Variants in RPS19 observed in about 807,000 individuals in gnomAD.
RPS19 encodes small ribosomal subunit protein eS19.
In RPS19, 1 loss-of-function variant was observed where a neutral mutation model predicts 20.3. That is an observed-to-expected ratio of 0.05 (90% CI 0.02 to 0.23). The LOEUF (loss-of-function observed/expected upper bound fraction) is 0.23, where lower values mean the gene tolerates loss of function less well. Among genes scored for constraint, RPS19 ranks in the 10% least tolerant of loss-of-function variants. The pLI, the probability that RPS19 is intolerant of heterozygous loss-of-function variation, is 1.00. For missense variants in RPS19, 111 were observed against 192.7 expected (o/e 0.58, Z 2.51); for synonymous variants, 87 against 74.8 (o/e 1.16, Z -0.84).
chr19:41,866,834 G>T (rs1490661055), intron 3 of RPS19, among the ~76,000 whole-genome samples: 1 of 151,678 alleles, frequency 6.6e-6, no homozygotes, highest in African/African-American at 2.4e-5. Context: ...CGCTAACACG[G>T]TGAAACCCCG....
rs553253866 is a variant in RPS19 at position 41,869,506 on chromosome 19, A to C, written c.357-193A>C. Reference sequence around the variant, plus strand: ...TTTTGATCTAAATGCTTGCACAAACAACACCCCGTCAGCTCCCAGGGGGGC... The same window carrying C: ...TTTTGATCTAAATGCTTGCACAAACCACACCCCGTCAGCTCCCAGGGGGGC... On this transcript the variant is annotated intron_variant, in intron 4 of 5. Coordinates refer to ENST00000598742, the MANE Select transcript of RPS19 (RefSeq NM_001022.4). 3.7e-4 allele frequency: 230 copies of C among 626,614 alleles called. 2 individuals are homozygous for C. In the South Asian group the frequency reaches 4.3e-3, roughly 12 times the overall value. The allele number at this position is 626,614 out of a possible 1,614,324, so 38.8% of individuals were successfully genotyped here. A position where few individuals can be genotyped will look rare whatever the true frequency, so the allele number is the denominator to read the frequency against.
chr19:41,864,342 A>T (rs781980006), intron 3 of RPS19: 1 of 152,264 alleles, frequency 6.6e-6, no homozygotes, highest in South Asian at 2.1e-4. Flanking sequence ...AGTAGAAAGA[A>T]TGAGATCTGG....
intron 3 of RPS19, among the ~76,000 whole-genome samples, chr19:41,866,122 G>C (rs1271216356): frequency 6.6e-6 from 1 of 151,614 alleles, no homozygotes; most frequent in Non-Finnish European, 1.5e-5. Context: ...GTGTGGTGGC[G>C]TGTGCCTGTA....
intron 4 of RPS19, 47 bp from the exon 5 acceptor site, chr19:41,869,652 C>T (rs375383178): frequency 8.7e-6 from 14 of 1,601,868 alleles, no homozygotes; most frequent in African/African-American, 2.7e-5. Flanking sequence ...GGGCTGAGAA[C>T]AGGACCTGTG....
chr19:41,861,393 A>G (rs976869966), intron 3 of RPS19, 181 bp downstream of exon 3: 34 of 628,412 alleles, frequency 5.4e-5, no homozygotes, highest in Admixed American at 1.2e-4. Context: ...TTTTTATGAC[A>G]TTCTAAGAGC....
intron 5 of RPS19, 111 bp from the exon 6 acceptor site, chr19:41,871,240 T>C: frequency 1.1e-6 from 1 of 899,464 alleles, no homozygotes; most frequent in Non-Finnish European, 1.9e-6. Context: ...TAGATGCATT[T>C]GAAACCACAA....
rs1309407967 is a variant in RPS19 at position 41,862,965 on chromosome 19, G to A, written c.172+1753G>A. Reference sequence around the variant, plus strand: ...CTGTGTATCTACATGCACAAGGGCAGAGTTGTAGTTGTGGCAGAAGCTGTA... The same window carrying A: ...CTGTGTATCTACATGCACAAGGGCAAAGTTGTAGTTGTGGCAGAAGCTGTA... On this transcript the variant is annotated intron_variant, in intron 3 of 5. Coordinates refer to ENST00000598742, the MANE Select transcript of RPS19 (RefSeq NM_001022.4). Among the ~76,000 whole-genome samples, 4 of 152,326 alleles carry A rather than the reference G, an allele frequency of 2.6e-5. No homozygotes were observed. The East Asian group carries it at 5.8e-4, about 22-fold the overall frequency.
chr19:41,868,559 C>G (rs574494489), intron 3 of RPS19, among the ~76,000 whole-genome samples: 16 of 152,306 alleles, frequency 1.1e-4, no homozygotes, highest in African/African-American at 3.1e-4. Flanking sequence ...CCAAGCCAGC[C>G]TTCCCTGTGT....
At chr19:41,860,658 G>T in intron 1 of RPS19, 117 bp from the exon 2 acceptor site, 1 of 849,762 alleles carries the variant, frequency 1.2e-6, no homozygotes, top group East Asian at 2.4e-5. Flanking sequence ...GCCGTGGGAA[G>T]TAACGGGGGG....
At chr19:41,863,771 T>C (rs1438387750) in intron 3 of RPS19, 1 of 151,444 alleles carries the variant, frequency 6.6e-6, no homozygotes, top group Non-Finnish European at 1.5e-5. Context: ...AGACTTGCTC[T>C]CACTGGACGT....
chr19:41,866,160 G>C (rs2074087767), intron 3 of RPS19, among the ~76,000 whole-genome samples: 1 of 152,072 alleles, frequency 6.6e-6, no homozygotes, highest in African/African-American at 2.4e-5. Context: ...GGCTGAGACA[G>C]GAGAATTGCT....
chr19:41,865,332 C>G (rs1461975233), intron 3 of RPS19, among the ~76,000 whole-genome samples: 1 of 150,892 alleles, frequency 6.6e-6, no homozygotes, highest in East Asian at 1.9e-4. Flanking sequence ...CGCCACTGCA[C>G]TCCAGCCTGG....
At position 41,869,025 on chromosome 19, in the gene RPS19, C is replaced by G; in HGVS notation, c.173-6C>G. The G allele has an allele frequency of 1.2e-6, 2 of 1,613,408 alleles. No homozygotes were observed. The highest frequency in any genetic ancestry group is 1.7e-6 in the Non-Finnish European group (2 of 1,179,740). On this transcript the variant is annotated splice_polypyrimidine_tract_variant and splice_region_variant and intron_variant, in intron 3 of 5. Coordinates refer to ENST00000598742, the MANE Select transcript of RPS19 (RefSeq NM_001022.4). Reference sequence around the variant, plus strand: ...CCCTTAAATCTCCCTCTCACACTACCCCCAGCTTCCACAGCGCGGCACCTG... The same window carrying G: ...CCCTTAAATCTCCCTCTCACACTACGCCCAGCTTCCACAGCGCGGCACCTG...
intron 3 of RPS19, among the ~76,000 whole-genome samples, chr19:41,863,606 G>T (rs1255668410): frequency 2.0e-5 from 3 of 152,166 alleles, no homozygotes; most frequent in Non-Finnish European, 4.4e-5. Context: ...GTGTGAGGTA[G>T]ACAGGTCTTA....
In RPS19 at chr19:41,871,288, G is replaced by A; in HGVS notation, c.412-63G>A. 4 of 1,513,630 alleles carry A rather than the reference G, an allele frequency of 2.6e-6. No homozygotes were observed. The South Asian group carries it at 4.5e-5, about 17-fold the overall frequency. The allele number at this position is 1,513,630 out of a possible 1,614,324, so 93.8% of individuals were successfully genotyped here. The stretch of plus-strand genomic sequence containing the variant: ...ACCTGTGGTGGGTAGTTAGGTAGCT[G>A]TTACAAAGTGCCCCAGCAGAGACCC... On this transcript the variant is annotated intron_variant, in intron 5 of 5. Coordinates refer to ENST00000598742, the MANE Select transcript of RPS19 (RefSeq NM_001022.4).
chr19:41,871,248 C>T, intron 5 of RPS19, 103 bp from the exon 6 acceptor site: 2 of 965,042 alleles, frequency 2.1e-6, no homozygotes, highest in Non-Finnish European at 3.4e-6. Flanking sequence ...TTTGAAACCA[C>T]AAATCGGGGT....
At chr19:41,864,570 G>A (rs1271848924) in intron 3 of RPS19, 1 of 152,306 alleles carries the variant, frequency 6.6e-6, no homozygotes, top group Non-Finnish European at 1.5e-5. Flanking sequence ...GATCCAGAGG[G>A]ACCCTCCCTC....
chr19:41,860,739 C>A, intron 1 of RPS19, 36 bp from the exon 2 acceptor site: 1 of 1,525,660 alleles, frequency 6.6e-7, no homozygotes, highest in Non-Finnish European at 9.1e-7. Flanking sequence ...TCGTCTCTGC[C>A]AGGCCTGTGT....
In RPS19 at chr19:41,870,303, C is replaced by T. The variant is rs574014594; in HGVS notation, c.411+550C>T. ...TGCCACTGGGCATCTATCCACAGAG[C>T]ACATAGCTGTACCCGTAGATGACTC... is the stretch of plus-strand genomic sequence containing the variant. On this transcript the variant is annotated intron_variant, in intron 5 of 5. Coordinates refer to ENST00000598742, the MANE Select transcript of RPS19 (RefSeq NM_001022.4). Among the ~76,000 whole-genome samples the T allele has an allele frequency of 2.0e-5, 3 of 152,172 alleles. No homozygotes were observed. The South Asian group carries it at 6.2e-4, about 32-fold the overall frequency.
Sources: allele counts gnomAD v4.1 joint callset (sites outside exome capture counted in the v4.1 genomes callset), GRCh38; gene constraint gnomAD v4.1.1; transcripts MANE v1.5; gene names NCBI Gene and HGNC (gene_info 2026-07-23, HGNC 2026-07-21).